FGF14: variants seen among roughly 807,000 people sequenced by gnomAD.
FGF14 encodes the protein fibroblast growth factor 14.
Under a neutral mutation model 25.5 loss-of-function variants are expected in FGF14, and 5 were observed. The observed-to-expected ratio is 0.20, with a 90% confidence interval of 0.10 to 0.41. The LOEUF (loss-of-function observed/expected upper bound fraction) is 0.41, where lower values mean the gene tolerates loss of function less well. Ranked by LOEUF, FGF14 falls within the 10% of genes least tolerant of loss-of-function variation. The probability of loss-of-function intolerance (pLI) is 1.00; values close to 1 mark genes in which losing one functional copy is unlikely to be tolerated. For synonymous variants in FGF14, 138 were observed against 118.3 expected, an observed-to-expected ratio of 1.17 and a Z score of -1.08; for missense variants, 222 against 320.1, an observed-to-expected ratio of 0.69 and a Z score of 2.34.
chr13:101,938,713 T>C (rs1217318566), intron 1 of FGF14, among the ~76,000 whole-genome samples: 2 of 152,236 alleles, frequency 1.3e-5, no homozygotes, highest in Non-Finnish European at 2.9e-5. Context: ...ATCGGGTGTA[T>C]GTCTCTCCCT....
chr13:102,068,785 G>C (rs889783454), intron 1 of FGF14, among the ~76,000 whole-genome samples: 5 of 152,224 alleles, frequency 3.3e-5, no homozygotes, highest in East Asian at 1.9e-4. Flanking sequence ...TGCGGCCCGA[G>C]CCTCCCCGAC....
chr13:102,268,434 G>A (rs528173039), intron 1 of FGF14, among the ~76,000 whole-genome samples: 37 of 152,092 alleles, frequency 2.4e-4, no homozygotes, highest in African/African-American at 7.2e-4. Flanking sequence ...TATCATTTGA[G>A]TAAAACCAAA....
At chr13:102,279,429 T>A (rs1036394904) in intron 1 of FGF14, among the ~76,000 whole-genome samples, 8 of 152,206 alleles carry the variant, frequency 5.3e-5, no homozygotes, top group African/African-American at 1.9e-4. Flanking sequence ...AAAATGCACA[T>A]TACATTTAAT....
intron 3 of FGF14, among the ~76,000 whole-genome samples, chr13:101,767,615 A>G (rs959363003): frequency 1.3e-5 from 2 of 152,198 alleles, no homozygotes; most frequent in African/African-American, 4.8e-5. Context: ...GAAAGATAAG[A>G]TACTGGAATG....
Position 101,885,225 on chromosome 13 carries a change from T to A in FGF14, c.194-9929A>T, listed in dbSNP as rs995980561. Reference sequence around the variant, plus strand: ...GAGCATGGATTCAACTTTCTTTTCATATTTTTTGCATTTCAGTTGTTTTCT... The same window carrying A: ...GAGCATGGATTCAACTTTCTTTTCAAATTTTTTGCATTTCAGTTGTTTTCT... On this transcript the variant is annotated intron_variant, in intron 1 of 4. Transcript: ENST00000376143. Among the ~76,000 whole-genome samples the A allele has an allele frequency of 2.0e-5, 3 of 152,176 alleles. No individual in the cohort carries two copies. In the East Asian group the frequency reaches 5.8e-4, roughly 29 times the overall value.
chr13:101,939,411 T>C (rs1419572326), intron 1 of FGF14, among the ~76,000 whole-genome samples: 3 of 152,326 alleles, frequency 2.0e-5, no homozygotes, highest in South Asian at 2.1e-4. Flanking sequence ...TCAGTCCATT[T>C]CTTACTTTAT....
chr13:101,955,098 A>C (rs1432712505), intron 1 of FGF14, among the ~76,000 whole-genome samples: 1 of 152,240 alleles, frequency 6.6e-6, no homozygotes, highest in Non-Finnish European at 1.5e-5. Context: ...ACTCTTGAAT[A>C]GTGTGGATGG....
At position 101,897,159 on chromosome 13, in the gene FGF14, AC is replaced by A. The variant is rs1310869953; in HGVS notation, c.193+19293del. On this transcript the variant is annotated intron_variant, in intron 1 of 4. Coordinates refer to ENST00000376143, the MANE Select transcript of FGF14 (RefSeq NM_004115.4). Reference sequence around the variant, plus strand: ...GATCCATAGACATGTGGAAAGATTTACCTAGGTCCTGGGTTTGCCCCGCTCA... The same window carrying A: ...GATCCATAGACATGTGGAAAGATTTACTAGGTCCTGGGTTTGCCCCGCTCA... Among the ~76,000 whole-genome samples, 7 of 152,178 alleles carry A rather than the reference AC, an allele frequency of 4.6e-5. No homozygotes were observed. The East Asian group carries it at 1.3e-3, about 29-fold the overall frequency.
chr13:101,850,945 A>G (rs2043814938), intron 3 of FGF14, among the ~76,000 whole-genome samples: 3 of 151,786 alleles, frequency 2.0e-5, no homozygotes, highest in Admixed American at 2.0e-4. Flanking sequence ...TTTATGAGGG[A>G]TAGGAAGTTA....
intron 1 of FGF14, chr13:102,002,104 A>C (rs1428468456): frequency 6.6e-6 from 1 of 152,236 alleles, no homozygotes; most frequent in Non-Finnish European, 1.5e-5. Flanking sequence ...GAGCCAAAAA[A>C]GTGAAATAAA....
intron 1 of FGF14, among the ~76,000 whole-genome samples, chr13:102,363,535 A>G (rs577240621): frequency 2.7e-4 from 41 of 152,312 alleles, no homozygotes; most frequent in Non-Finnish European, 4.1e-4. Context: ...TTAGAACACT[A>G]TGTGTTCCAG....
chr13:101,840,837 TAATA>T, intron 3 of FGF14, among the ~76,000 whole-genome samples: 1 of 152,122 alleles, frequency 6.6e-6, no homozygotes, highest in African/African-American at 2.4e-5. Flanking sequence ...TTACAATGGA[TAATA>T]AATAGTCTAA....
chr13:101,896,966 G>C (rs1324566040), intron 1 of FGF14, among the ~76,000 whole-genome samples: 2 of 152,086 alleles, frequency 1.3e-5, no homozygotes, highest in African/African-American at 4.8e-5. Flanking sequence ...AAATATACTA[G>C]AGACAAATAA....
intron 3 of FGF14, among the ~76,000 whole-genome samples, chr13:101,797,428 T>C (rs909518457): frequency 1.3e-5 from 2 of 152,072 alleles, no homozygotes; most frequent in Non-Finnish European, 2.9e-5. Flanking sequence ...GTGACTGGAA[T>C]GACGCACATA....
intron 3 of FGF14, among the ~76,000 whole-genome samples, chr13:101,838,744 GT>G (rs1359978901): frequency 2.0e-5 from 3 of 151,894 alleles, no homozygotes; most frequent in African/African-American, 7.2e-5. Flanking sequence ...AAAAACAAAG[GT>G]TCTTCAAGAG....
intron 1 of FGF14, among the ~76,000 whole-genome samples, chr13:102,014,769 A>C (rs2040251047): frequency 6.6e-6 from 1 of 152,180 alleles, no homozygotes; most frequent in African/African-American, 2.4e-5. Context: ...AAAATATGAC[A>C]AACTTATTTT....
intron 1 of FGF14, among the ~76,000 whole-genome samples, chr13:102,369,450 C>T (rs186982441): frequency 1.4e-4 from 21 of 152,310 alleles, no homozygotes; most frequent in Admixed American, 1.3e-3. Flanking sequence ...GACAGACCAG[C>T]TTTGCCTCCT....
intron 1 of FGF14, among the ~76,000 whole-genome samples, chr13:102,044,459 T>C (rs1886934): frequency 0.016 from 2,505 of 152,160 alleles, 83 homozygotes; most frequent in African/African-American, 0.057. Context: ...ATGTTCAACC[T>C]AATGGGCATC....
At chr13:101,999,205 T>C (rs2039348361) in intron 1 of FGF14, among the ~76,000 whole-genome samples, 1 of 152,180 alleles carries the variant, frequency 6.6e-6, no homozygotes, top group Non-Finnish European at 1.5e-5. Context: ...TAAATCTTCA[T>C]CAAAGGTGAT....
Sources: allele counts gnomAD v4.1 joint callset (sites outside exome capture counted in the v4.1 genomes callset), GRCh38; gene constraint gnomAD v4.1.1; transcripts MANE v1.5; gene names NCBI Gene and HGNC (gene_info 2026-07-23, HGNC 2026-07-21).